TEX30: variants seen among roughly 807,000 people sequenced by gnomAD.
TEX30 encodes testis-expressed protein 30.
TEX30 carries 14 observed loss-of-function variants against 23.8 expected under a neutral mutation model. The observed-to-expected ratio is 0.59, with a 90% CI of 0.39 to 0.92. The LOEUF (loss-of-function observed/expected upper bound fraction) is 0.92, where lower values mean the gene tolerates loss of function less well. Ranked by LOEUF, TEX30 falls within the 40% of genes least tolerant of loss-of-function variation. The pLI is 0.00. For missense variants in TEX30, 246 were observed against 270.6 expected (o/e 0.91, Z 0.64); for synonymous variants, 78 against 90.2 (o/e 0.87, Z 0.76).
chr13:102,772,143 AT>A (rs112612448), intron 1 of TEX30, among the ~76,000 whole-genome samples: 7,967 of 142,554 alleles, frequency 0.056, 595 homozygotes, highest in African/African-American at 0.18. Flanking sequence ...ATGCTTCCCT[AT>A]TTTTTTTTTT....
chr13:102,768,373 T>C, intron 3 of TEX30, 62 bp from the exon 4 acceptor site: 2 of 1,205,794 alleles, frequency 1.7e-6, no homozygotes, highest in African/African-American at 1.6e-5. Flanking sequence ...AAAGGCAAGA[T>C]ATATTGTTTC....
chr13:102,767,934 T>C (rs1877023719), intron 4 of TEX30, among the ~76,000 whole-genome samples: 2 of 151,902 alleles, frequency 1.3e-5, no homozygotes, highest in East Asian at 3.9e-4. Context: ...TAAAAATTGA[T>C]CTTAAATGCT....
In TEX30 at chr13:102,766,360, C is replaced by A; in HGVS notation, c.*41G>T. On this transcript the variant is annotated 3_prime_UTR_variant, in exon 6 of 6. Coordinates refer to ENST00000376032, the MANE Select transcript of TEX30 (RefSeq NM_138779.5). ...TGCTGAGAGGCATACTCTTCTTTAT[C>A]AAATTAACTGTATGTGTACTCAAGA... is the stretch of plus-strand genomic sequence containing the variant. 2 of 1,528,424 alleles carry A rather than the reference C, an allele frequency of 1.3e-6. No homozygotes were observed. The highest frequency in any genetic ancestry group is 1.2e-5 in the South Asian group (1 of 83,574). 94.7% of individuals were successfully genotyped at this position (1,528,424 alleles called of 1,614,324 possible). A position where few individuals can be genotyped will look rare whatever the true frequency, so the allele number is the denominator to read the frequency against.
intron 3 of TEX30, among the ~76,000 whole-genome samples, 158 bp from the exon 4 acceptor site, chr13:102,768,469 T>A (rs1032899864): frequency 7.9e-5 from 12 of 152,300 alleles, no homozygotes; most frequent in Non-Finnish European, 1.2e-4. Flanking sequence ...AAGCAGTCCT[T>A]CCTCTTCTGG....
At chr13:102,772,779 C>G (rs565754912) in intron 1 of TEX30, among the ~76,000 whole-genome samples, 1 of 152,258 alleles carries the variant, frequency 6.6e-6, no homozygotes, top group East Asian at 1.9e-4. Context: ...GTTGGCCAGG[C>G]TGGTTTTGAA....
chr13:102,768,178 T>A, intron 4 of TEX30, 82 bp downstream of exon 4: 1 of 1,216,712 alleles, frequency 8.2e-7, no homozygotes, highest in Non-Finnish European at 1.2e-6. Context: ...TAGCTTCCTA[T>A]GATCAACTAA....
At chr13:102,767,742 A>C (rs1362453855) in intron 4 of TEX30, among the ~76,000 whole-genome samples, 3 of 151,980 alleles carry the variant, frequency 2.0e-5, no homozygotes, top group African/African-American at 7.2e-5. Flanking sequence ...GCAAAACCCT[A>C]TCTCTACTAA....
At chr13:102,773,288 G>C (rs1171109626) in intron 1 of TEX30, among the ~76,000 whole-genome samples, 1 of 152,154 alleles carries the variant, frequency 6.6e-6, no homozygotes, top group Non-Finnish European at 1.5e-5. Flanking sequence ...TGCGGGGCTC[G>C]GCGGCGCTCG....
chr13:102,769,610 T>C (rs1877171529), intron 2 of TEX30, 69 bp from the exon 3 acceptor site: 2 of 918,528 alleles, frequency 2.2e-6, no homozygotes, highest in Admixed American at 5.6e-5. Flanking sequence ...AACAGCTATA[T>C]ATATGTTTGC....
At position 102,766,090 on chromosome 13, in the gene TEX30, A is replaced by G. The variant is rs1247559343; in HGVS notation, c.*311T>C. The stretch of plus-strand genomic sequence containing the variant: ...GCTCTGCAAAATTTCTCAGTTGCCT[A>G]TCAATAAGACAAAAGCACCTTTTTG... On this transcript the variant is annotated 3_prime_UTR_variant, in exon 6 of 6. Transcript: ENST00000376032. 1 of 176,738 alleles carries G rather than the reference A, an allele frequency of 5.7e-6. No individual in the cohort carries two copies. The highest frequency in any genetic ancestry group is 1.2e-5 in the Non-Finnish European group (1 of 84,346). The allele number at this position is 176,738 out of a possible 1,614,324, so 10.9% of individuals were successfully genotyped here. A position where few individuals can be genotyped will look rare whatever the true frequency, so the allele number is the denominator to read the frequency against.
In TEX30 at chr13:102,769,993, G is replaced by A; in HGVS notation, c.15+19C>T. 7 of 1,443,548 alleles carry A rather than the reference G, an allele frequency of 4.8e-6. No homozygotes were observed. Among genetic ancestry groups the A allele is most frequent in the Non-Finnish European group, 5.5e-6 (6 of 1,095,664 alleles). 89.4% of individuals were successfully genotyped at this position (1,443,548 alleles called of 1,614,324 possible). A position where few individuals can be genotyped will look rare whatever the true frequency, so the allele number is the denominator to read the frequency against. Reference sequence around the variant, plus strand: ...AAAAACCAGGAACCCTGAAGATGCAGAACATACGAAAATATTACCTCTGTA... The same window carrying A: ...AAAAACCAGGAACCCTGAAGATGCAAAACATACGAAAATATTACCTCTGTA... On this transcript the variant is annotated intron_variant, in intron 2 of 5. Transcript: ENST00000376032.
At chr13:102,772,121 T>C (rs1374112320) in intron 1 of TEX30, among the ~76,000 whole-genome samples, 1 of 152,044 alleles carries the variant, frequency 6.6e-6, no homozygotes, top group Non-Finnish European at 1.5e-5. Flanking sequence ...ACAACCACTA[T>C]CTTAATTTAG....
In TEX30 at chr13:102,766,220, G is replaced by C. The variant is rs535419354; in HGVS notation, c.*181C>G. The C allele has an allele frequency of 3.1e-5, 15 of 486,620 alleles. No individual in the cohort carries two copies. In the South Asian group the frequency reaches 4.3e-4, roughly 14 times the overall value. 30.1% of individuals were successfully genotyped at this position (486,620 alleles called of 1,614,324 possible). ...ATTTTTACATCATCTTTATACAACT[G>C]TAACAGTGCTTTCAAAAGACATTTT... On this transcript the variant is annotated 3_prime_UTR_variant, in exon 6 of 6. Transcript: ENST00000376032.
At position 102,766,437 on chromosome 13, in the gene TEX30, G is replaced by T; in HGVS notation, c.648C>A (p.Ile216=). The T allele has an allele frequency of 6.2e-7, 1 of 1,613,318 alleles. No individual in the cohort carries two copies. Among genetic ancestry groups the T allele is most frequent in the Non-Finnish European group, 8.5e-7 (1 of 1,179,652 alleles). The change falls in exon 6 of 6, where the codon ATC becomes ATA. Residue 216 remains isoleucine (I), a synonymous_variant. Coordinates refer to ENST00000376032, the MANE Select transcript of TEX30 (RefSeq NM_138779.5). ...KEINTQILFW[I]QEITEMDKKC... ...TCTTGTCCATTTCAGTAATTTCTTG[G>T]ATCCAAAACAAAATCTGTGTATTTA...
rs1033752309 is a variant in TEX30, at chr13:102,768,331, A to C, written c.247-20T>G. 3 of 1,566,500 alleles carry C rather than the reference A, an allele frequency of 1.9e-6. No homozygotes were observed. The highest frequency in any genetic ancestry group is 2.6e-6 in the Non-Finnish European group (3 of 1,151,226). ...GTAATTCTAGAAAAATAAAAAAATC[A>C]TCAGTTCTTCACCTATAAAATATTC... is the stretch of plus-strand genomic sequence containing the variant. On this transcript the variant is annotated intron_variant, in intron 3 of 5. Transcript: ENST00000376032.
rs1169759162 is a variant in TEX30 at position 102,766,527 on chromosome 13, C to A, written c.558G>T (p.Trp186Cys). Residue 186 changes from tryptophan (W) to cysteine (C), a missense_variant, in exon 6 of 6, where the codon TGG (tryptophan) becomes TGT (cysteine). Trp to Cys is a radical substitution (Grantham distance 215, BLOSUM62 -2). Transcript: ENST00000376032. ...QKMQAPHKIH[W>C]IEKANHSMAV... ...CCATGGAATGATTTGCCTTCTCAAT[C>A]CAGTGGATTTTATGGGGAGCTTGCA... The A allele has an allele frequency of 6.2e-7, 1 of 1,613,838 alleles. No individual in the cohort carries two copies. Among genetic ancestry groups the A allele is most frequent in the Non-Finnish European group, 8.5e-7 (1 of 1,179,892 alleles).
intron 2 of TEX30, 117 bp downstream of exon 2, chr13:102,769,895 T>C: frequency 1.1e-6 from 1 of 904,294 alleles, no homozygotes; most frequent in Non-Finnish European, 1.5e-6. Flanking sequence ...TCTTAACCAC[T>C]TATGCTATAC....
chr13:102,772,891 C>T (rs1877423679), intron 1 of TEX30, among the ~76,000 whole-genome samples: 1 of 152,252 alleles, frequency 6.6e-6, no homozygotes, highest in East Asian at 1.9e-4. Flanking sequence ...TCATCTCTGG[C>T]TTCAGGTTCA....
In TEX30 at chr13:102,770,091, AAAG is replaced by A; in HGVS notation, c.-60-8_-60-6del. Reference sequence around the variant, plus strand: ...TGAGAAGCAAAGGACATCTCCCTGAAAAGAAGATTCTGTTGTGAAAGGTGAGTT... The same window carrying A: ...TGAGAAGCAAAGGACATCTCCCTGAAAAGATTCTGTTGTGAAAGGTGAGTT... On this transcript the variant is annotated splice_region_variant and splice_polypyrimidine_tract_variant and intron_variant, in intron 1 of 5. Transcript: ENST00000376032. The A allele has an allele frequency of 3.3e-6, 4 of 1,199,284 alleles. No homozygotes were observed. The highest frequency in any genetic ancestry group is 4.3e-6 in the Non-Finnish European group (4 of 923,892). 74.3% of individuals were successfully genotyped at this position (1,199,284 alleles called of 1,614,324 possible).
Sources: gnomAD v4.1 joint callset for allele counts (sites outside exome capture counted in the v4.1 genomes callset) on GRCh38, gnomAD v4.1.1 for gene constraint, MANE v1.5 for transcripts, NCBI Gene and HGNC (gene_info 2026-07-23, HGNC 2026-07-21) for gene names.